Variants in MTMR9 observed in about 807,000 individuals in gnomAD.
The protein encoded by MTMR9 is myotubularin related protein 9.
A neutral mutation model predicts 69.5 loss-of-function variants in MTMR9; 39 were observed. That is an observed-to-expected ratio of 0.56 (90% CI 0.43 to 0.73). The LOEUF (loss-of-function observed/expected upper bound fraction) is 0.73. Among genes scored for constraint, MTMR9 ranks in the 30% least tolerant of loss-of-function variants. The probability of loss-of-function intolerance (pLI) is 0.00; values close to 1 mark genes in which losing one functional copy is unlikely to be tolerated. For synonymous variants in MTMR9, 354 were observed against 240.8 expected (o/e 1.47, Z -4.35); for missense variants, 900 against 671.2 (o/e 1.34, Z -3.77).
intron 7 of MTMR9, among the ~76,000 whole-genome samples, chr8:11,315,457 C>T (rs970857632): frequency 6.6e-6 from 1 of 152,256 alleles, no homozygotes; most frequent in Middle Eastern, 3.4e-3. Context: ...CGTGCTGCTC[C>T]ACCCTGTGAA....
At chr8:11,338,638 C>A in the MTMR9 span, among the ~76,000 whole-genome samples, 1 of 152,096 alleles carries the variant, frequency 6.6e-6, no homozygotes, top group Non-Finnish European at 1.5e-5. Flanking sequence ...GACTGGCAGC[C>A]AAGGAGGTCA....
At chr8:11,331,039 A>T (rs1801198220), downstream of MTMR9, 1 of 1,532,966 alleles carries the variant, frequency 6.5e-7, no homozygotes, top group African/African-American at 1.4e-5. Flanking sequence ...CAATGAGGTC[A>T]CAATGGCTGG....
chr8:11,307,308 G>C (rs1016942840), intron 5 of MTMR9, among the ~76,000 whole-genome samples: 5 of 152,180 alleles, frequency 3.3e-5, no homozygotes, highest in African/African-American at 9.7e-5. Context: ...CTGACCTCAA[G>C]TGATCCTCCT....
chr8:11,324,010 C>T lies in MTMR9; in HGVS notation c.*1222C>T, dbSNP rs1376509805. On this transcript the variant is annotated 3_prime_UTR_variant, in exon 10 of 10. Transcript: ENST00000221086. ...CAAATGTTTGTGGTTCAGTATTTCC[C>T]ACCTACATTTCTGTTTGGTGACATT... The T allele has an allele frequency of 6.6e-6, 1 of 152,144 alleles. No individual in the cohort carries two copies. The highest frequency in any genetic ancestry group is 1.5e-5 in the Non-Finnish European group (1 of 68,028). The allele number at this position is 152,144 out of a possible 1,614,324, so 9.4% of individuals were successfully genotyped here.
chr8:11,320,901 T>G (rs958088060), intron 9 of MTMR9: 3 of 152,986 alleles, frequency 2.0e-5, no homozygotes, highest in African/African-American at 7.2e-5. Flanking sequence ...ACAAGAATGG[T>G]AGCTGTTTGT....
the MTMR9 span, among the ~76,000 whole-genome samples, chr8:11,336,576 T>C: frequency 6.6e-6 from 1 of 152,260 alleles, no homozygotes; most frequent in African/African-American, 2.4e-5. Context: ...CAAACCATTA[T>C]TCACTGTCCA....
chr8:11,328,339 T>TA (rs1159987243), downstream of MTMR9, among the ~76,000 whole-genome samples: 6 of 124,934 alleles, frequency 4.8e-5, no homozygotes, highest in East Asian at 1.5e-3. Flanking sequence ...TTTGCTTTAA[T>TA]ACCACGTGTG....
chr8:11,306,317 A>T lies in MTMR9; in HGVS notation c.719A>T (p.Asn240Ile), dbSNP rs772029716. Reference protein sequence around the residue: ...RGYIIDTRSLNVAQQTRAKGG... With the variant: ...RGYIIDTRSLIVAQQTRAKGG... The stretch of plus-strand genomic sequence containing the variant: ...TACATCATTGACACCCGATCCCTGA[A>T]CGTGGCTCAGCAAACTAGAGCCAAA... The change falls in exon 5 of 10, where the codon AAC (asparagine) becomes ATC (isoleucine). Residue 240 changes from asparagine (N) to isoleucine (I), a missense_variant. Physicochemically the swap from Asn to Ile is moderately radical, Grantham distance 149. Coordinates refer to ENST00000221086, the MANE Select transcript of MTMR9 (RefSeq NM_015458.4). 6.2e-6 allele frequency: 10 copies of T among 1,613,990 alleles called. No homozygotes were observed. In the East Asian group the frequency reaches 2.0e-4, roughly 32 times the overall value.
At chr8:11,333,894 G>C in the MTMR9 span, among the ~76,000 whole-genome samples, 1 of 152,168 alleles carries the variant, frequency 6.6e-6, no homozygotes, top group Admixed American at 6.5e-5. Flanking sequence ...TTAAGAGGTG[G>C]AACCTTTAAG....
chr8:11,335,951 G>A, the MTMR9 span, among the ~76,000 whole-genome samples: 25 of 152,124 alleles, frequency 1.6e-4, no homozygotes, highest in African/African-American at 5.8e-4. Context: ...TTGGGGGGAG[G>A]ACACAATTAA....
downstream of MTMR9, among the ~76,000 whole-genome samples, chr8:11,328,344 C>CGTGTGTGTGT (rs151066674): frequency 7.1e-3 from 650 of 90,994 alleles, 5 homozygotes; most frequent in East Asian, 0.022. Context: ...TTTAATACCA[C>CGTGTGTGTGT]GTGTGTGTGT....
Position 11,316,819 on chromosome 8 carries a change from T to G in MTMR9, c.1260T>G (p.Asn420Lys), listed in dbSNP as rs766720136. The G allele has an allele frequency of 6.2e-7, 1 of 1,613,876 alleles. No homozygotes were observed. ...QFPCSFEFNENFLIMLFEHAY... is the reference protein window; with the variant it reads ...QFPCSFEFNEKFLIMLFEHAY... ...CCTGTTCTTTTGAGTTTAATGAGAA[T>G]TTCCTCATCATGCTCTTTGAGCATG... Residue 420 changes from asparagine to lysine, a missense_variant, in exon 8 of 10, where the codon AAT (asparagine) becomes AAG (lysine). Transcript: ENST00000221086.
intron 1 of MTMR9, among the ~76,000 whole-genome samples, chr8:11,291,097 A>G (rs1057088538): frequency 6.6e-6 from 1 of 152,068 alleles, no homozygotes; most frequent in African/African-American, 2.4e-5. Context: ...AAATTAGGAC[A>G]TTGACATTGG....
intron 5 of MTMR9, 104 bp from the exon 6 acceptor site, chr8:11,309,423 A>G: frequency 3.3e-6 from 3 of 907,112 alleles, no homozygotes; most frequent in South Asian, 1.8e-5. Flanking sequence ...TAGTATTTTG[A>G]ACTACTTTTG....
At position 11,316,785 on chromosome 8, in the gene MTMR9, G is replaced by T. The variant is rs759119470; in HGVS notation, c.1226G>T (p.Arg409Leu). The change falls in exon 8 of 10, where the codon CGT becomes CTT. Residue 409 changes from arginine to leucine, a missense_variant. By Grantham distance (102) the Arg-to-Leu change is moderately radical. Coordinates refer to ENST00000221086, the MANE Select transcript of MTMR9 (RefSeq NM_015458.4). ...LFLDCVWQILRQFPCSFEFNE... is the reference protein window; with the variant it reads ...LFLDCVWQILLQFPCSFEFNE... ...TTGGACTGCGTGTGGCAGATCCTTCGTCAGTTTCCCTGTTCTTTTGAGTTT... is the reference window on the plus strand; with the variant it reads ...TTGGACTGCGTGTGGCAGATCCTTCTTCAGTTTCCCTGTTCTTTTGAGTTT... The T allele has an allele frequency of 1.7e-5, 28 of 1,613,894 alleles. No individual in the cohort carries two copies. Among genetic ancestry groups the T allele is most frequent in the Admixed American group, 1.7e-5 (1 of 59,994 alleles).
chr8:11,305,351 G>A (rs1799900333), intron 4 of MTMR9, among the ~76,000 whole-genome samples: 1 of 152,150 alleles, frequency 6.6e-6, no homozygotes, highest in South Asian at 2.1e-4. Context: ...CAGAATAATG[G>A]TAAAATACTT....
the MTMR9 span, among the ~76,000 whole-genome samples, chr8:11,335,771 C>T: frequency 1.3e-5 from 2 of 152,216 alleles, no homozygotes; most frequent in South Asian, 2.1e-4. Flanking sequence ...TTCATCTATA[C>T]ATGGCATACT....
chr8:11,336,599 G>C, the MTMR9 span, among the ~76,000 whole-genome samples: 1 of 152,200 alleles, frequency 6.6e-6, no homozygotes, highest in African/African-American at 2.4e-5. Flanking sequence ...AATTGATGTA[G>C]ATAAGTACTT....
rs546651925 is a variant in MTMR9 at position 11,310,352 on chromosome 8, G to A, written c.971+664G>A. On this transcript the variant is annotated intron_variant, in intron 6 of 9. Transcript: ENST00000221086. Reference sequence around the variant, plus strand: ...CTTAGAATGCCGTTTCTAAGAAGGGGATTCCACTGAAACAGTAGGTAGATA... The same window carrying A: ...CTTAGAATGCCGTTTCTAAGAAGGGAATTCCACTGAAACAGTAGGTAGATA... Among the ~76,000 whole-genome samples the A allele has an allele frequency of 2.0e-5, 3 of 152,298 alleles. No individual in the cohort carries two copies. The East Asian group carries it at 5.8e-4, about 29-fold the overall frequency.
Sources: allele counts gnomAD v4.1 joint callset (sites outside exome capture counted in the v4.1 genomes callset), GRCh38; gene constraint gnomAD v4.1.1; transcripts MANE v1.5; gene names NCBI Gene and HGNC (gene_info 2026-07-23, HGNC 2026-07-21).